DNASE1: variants seen among roughly 807,000 people sequenced by gnomAD.
DNASE1 encodes the protein deoxyribonuclease-1.
Under a neutral mutation model 33.9 loss-of-function variants are expected in DNASE1, and 40 were observed. That is an observed-to-expected ratio of 1.18 (90% confidence interval 0.92 to 1.54). DNASE1 has a LOEUF of 1.54. DNASE1 is among the 40% of genes most tolerant of loss of function. The pLI, the probability that DNASE1 is intolerant of heterozygous loss-of-function variation, is 0.00. For synonymous variants in DNASE1, 216 were observed against 160.0 expected (o/e 1.35, Z -2.64); for missense variants, 518 against 372.6 (o/e 1.39, Z -3.21).
chr16:3,652,431 G>A (rs1567204264), upstream of DNASE1: 1 of 152,358 alleles, frequency 6.6e-6, no homozygotes, highest in Non-Finnish European at 1.5e-5. Context: ...AAAGGCAGAG[G>A]ACTAGTCCCT....
intron 1 of DNASE1, among the ~76,000 whole-genome samples, chr16:3,626,313 CACTAAACTCAGCAGCATGA>C (rs2041509488): frequency 6.6e-6 from 1 of 151,970 alleles, no homozygotes; most frequent in Non-Finnish European, 1.5e-5. Flanking sequence ...AGTGAGTGAT[CACTAAACTCAGCAGCATGA>C]ACAAAATGAA....
chr16:3,616,106 G>C (rs1043463534), intron 1 of DNASE1, among the ~76,000 whole-genome samples: 3 of 152,194 alleles, frequency 2.0e-5, no homozygotes, highest in Non-Finnish European at 2.9e-5. Flanking sequence ...ACGTGTATAA[G>C]TATACAAAAG....
At chr16:3,658,765 TGCAGTCATCCTAA>T (rs556692882), downstream of DNASE1, 266 of 1,607,322 alleles carry the variant, frequency 1.7e-4, no homozygotes, top group African/African-American at 3.2e-3. Flanking sequence ...CCTGGGTCCC[TGCAGTCATCCTAA>T]GCTGCTGCAC....
intron 1 of DNASE1, among the ~76,000 whole-genome samples, chr16:3,629,171 C>CAA (rs536378443): frequency 8.3e-4 from 45 of 54,370 alleles, no homozygotes; most frequent in East Asian, 1.2e-3. Flanking sequence ...GACTAAGTCT[C>CAA]AAAAAAAAAA....
At chr16:3,622,879 C>G (rs906616591) in intron 1 of DNASE1, among the ~76,000 whole-genome samples, 3 of 152,138 alleles carry the variant, frequency 2.0e-5, no homozygotes, top group African/African-American at 7.2e-5. Flanking sequence ...TTAATGATGC[C>G]TTGTAATGAA....
Position 3,658,016 on chromosome 16 carries a change from G to GA in DNASE1, c.*70dup, listed in dbSNP as rs1271307193. Reference sequence around the variant, plus strand: ...AGGACCCATCCTGCCACAGGACCCAGAAAAAAAGCCCAACACACACTCGGG... The same window carrying GA: ...AGGACCCATCCTGCCACAGGACCCAGAAAAAAAAGCCCAACACACACTCGGG... On this transcript the variant is annotated 3_prime_UTR_variant, in exon 9 of 9. Transcript: ENST00000246949. The GA allele has an allele frequency of 1.9e-6, 3 of 1,611,326 alleles. No individual in the cohort carries two copies. The highest frequency in any genetic ancestry group is 1.7e-6 in the Non-Finnish European group (2 of 1,178,602).
chr16:3,646,440 A>AC (rs1181976321), intron 1 of DNASE1, among the ~76,000 whole-genome samples: 2 of 152,050 alleles, frequency 1.3e-5, no homozygotes, highest in Non-Finnish European at 2.9e-5. Context: ...GAGTAAACAC[A>AC]CCAGAGCAAA....
At chr16:3,634,105 T>G (rs2041793272) in intron 1 of DNASE1, among the ~76,000 whole-genome samples, 1 of 151,894 alleles carries the variant, frequency 6.6e-6, no homozygotes, top group South Asian at 2.1e-4. Flanking sequence ...CCACCGCACC[T>G]GGCCATAAGT....
chr16:3,632,185 C>A (rs988700622), intron 1 of DNASE1, among the ~76,000 whole-genome samples: 1 of 152,148 alleles, frequency 6.6e-6, no homozygotes, highest in Non-Finnish European at 1.5e-5. Context: ...AATGTGTATC[C>A]TGCTGCTGTT....
chr16:3,654,377 TGCCTGCACCTGATGG>T (rs2042460799), upstream of DNASE1: 1 of 398,666 alleles, frequency 2.5e-6, no homozygotes, highest in South Asian at 1.3e-4. Context: ...CCTGCAGAGT[TGCCTGCACCTGATGG>T]CGATGAATCA....
exon 10 of DNASE1, chr16:3,664,213 A>G: frequency 6.9e-7 from 1 of 1,456,684 alleles, no homozygotes; most frequent in South Asian, 1.4e-5. Context: ...CAGAGCTGAG[A>G]AGGTCAAGAC....
intron 1 of DNASE1, among the ~76,000 whole-genome samples, chr16:3,615,660 A>G (rs1301388843): frequency 1.3e-5 from 2 of 152,228 alleles, no homozygotes; most frequent in Non-Finnish European, 2.9e-5. Context: ...GAGAAAATGG[A>G]TGCAGAAGTA....
downstream of DNASE1, chr16:3,661,691 G>A (rs764469877): frequency 2.3e-5 from 8 of 343,884 alleles, no homozygotes; most frequent in Non-Finnish European, 3.7e-5. Flanking sequence ...CTCAAAACAG[G>A]CAAAACTGAG....
chr16:3,664,450 C>T, exon 10 of DNASE1: 1 of 1,609,788 alleles, frequency 6.2e-7, no homozygotes, highest in East Asian at 2.2e-5. Flanking sequence ...AGCAGCTTTG[C>T]TATGTCCTCC....
chr16:3,642,674 A>G (rs890071022), upstream of DNASE1, among the ~76,000 whole-genome samples: 1 of 152,094 alleles, frequency 6.6e-6, no homozygotes, highest in Non-Finnish European at 1.5e-5. Context: ...GAATAGAGGA[A>G]TAGAGGAATG....
chr16:3,623,949 G>A (rs1256482469), intron 1 of DNASE1, among the ~76,000 whole-genome samples: 2 of 152,096 alleles, frequency 1.3e-5, no homozygotes, highest in African/African-American at 4.8e-5. Context: ...ATGCTTATAT[G>A]CTGTTAATGG....
chr16:3,623,038 C>A (rs1351524711), intron 1 of DNASE1, among the ~76,000 whole-genome samples: 5 of 152,048 alleles, frequency 3.3e-5, no homozygotes, highest in South Asian at 2.1e-4. Context: ...ATGTACCTGC[C>A]CCCCACGTCC....
At chr16:3,649,652 C>G (rs574647426) in intron 1 of DNASE1, among the ~76,000 whole-genome samples, 8 of 152,308 alleles carry the variant, frequency 5.3e-5, no homozygotes, top group African/African-American at 1.9e-4. Context: ...TGAGAGCACT[C>G]TTGATTAAGG....
chr16:3,647,828 A>C (rs2042218089), intron 1 of DNASE1, among the ~76,000 whole-genome samples: 1 of 152,078 alleles, frequency 6.6e-6, no homozygotes, highest in Non-Finnish European at 1.5e-5. Context: ...GCACAGTGAG[A>C]TCCCCACCCC....
Sources: gnomAD v4.1 joint callset for allele counts (sites outside exome capture counted in the v4.1 genomes callset) on GRCh38, gnomAD v4.1.1 for gene constraint, MANE v1.5 for transcripts, NCBI Gene and HGNC (gene_info 2026-07-23, HGNC 2026-07-21) for gene names.